The following RAB28 variants were observed in gnomAD, a reference collection of about 807,000 sequenced individuals.
RAB28 encodes ras-related protein Rab-28.
A neutral mutation model predicts 31.7 loss-of-function variants in RAB28; 24 were observed. That is an observed-to-expected ratio of 0.76 (90% CI 0.55 to 1.06). The LOEUF is 1.06. Ranked by LOEUF, RAB28 falls within the 50% of genes least tolerant of loss-of-function variation. The pLI is 0.00. For synonymous variants in RAB28, 100 were observed against 90.4 expected (o/e 1.11, Z -0.60); for missense variants, 254 against 258.5 (o/e 0.98, Z 0.12).
chr4:13,411,654 A>G (rs1007981981), intron 4 of RAB28, among the ~76,000 whole-genome samples: 4 of 152,160 alleles, frequency 2.6e-5, no homozygotes, highest in African/African-American at 9.6e-5. Context: ...TTTAACTAAG[A>G]GTAATTTACT....
intron 4 of RAB28, among the ~76,000 whole-genome samples, chr4:13,424,291 T>G (rs527750051): frequency 1.6e-4 from 24 of 152,198 alleles, no homozygotes; most frequent in Non-Finnish European, 2.9e-4. Flanking sequence ...ATCTGAAGGC[T>G]CTAAGGAAGA....
chr4:13,476,868 T>C (rs1206200241), intron 2 of RAB28, among the ~76,000 whole-genome samples: 1 of 151,274 alleles, frequency 6.6e-6, no homozygotes, highest in Non-Finnish European at 1.5e-5. Context: ...GACATGTAAC[T>C]AGGAGAAAAA....
chr4:13,383,168 C>T (rs1729207812), intron 4 of RAB28, among the ~76,000 whole-genome samples: 1 of 152,120 alleles, frequency 6.6e-6, no homozygotes, highest in South Asian at 2.1e-4. Flanking sequence ...TTTATATATC[C>T]AATTTATCAT....
chr4:13,454,869 C>A (rs973680979), intron 4 of RAB28, among the ~76,000 whole-genome samples: 2 of 152,168 alleles, frequency 1.3e-5, no homozygotes, highest in African/African-American at 4.8e-5. Flanking sequence ...TCTCAGCTGG[C>A]CTGGGTGTGT....
At chr4:13,406,031 T>C (rs1374551358) in intron 4 of RAB28, among the ~76,000 whole-genome samples, 1 of 152,178 alleles carries the variant, frequency 6.6e-6, no homozygotes, top group African/African-American at 2.4e-5. Flanking sequence ...TTTTAAGTTT[T>C]GGGACACATG....
At chr4:13,388,162 T>C (rs912631719) in intron 4 of RAB28, among the ~76,000 whole-genome samples, 1 of 152,038 alleles carries the variant, frequency 6.6e-6, no homozygotes, top group Non-Finnish European at 1.5e-5. Flanking sequence ...CTACATTTTA[T>C]TGGTTTAAAA....
At chr4:13,399,089 G>A (rs1043489786) in intron 4 of RAB28, among the ~76,000 whole-genome samples, 8 of 152,036 alleles carry the variant, frequency 5.3e-5, no homozygotes, top group Non-Finnish European at 7.4e-5. Context: ...CAGAGAAAGG[G>A]ATAAAAGACT....
intron 4 of RAB28, among the ~76,000 whole-genome samples, chr4:13,399,634 C>G (rs1577174968): frequency 2.0e-5 from 3 of 152,206 alleles, no homozygotes; most frequent in Admixed American, 2.0e-4. Flanking sequence ...ATCTAGAAAG[C>G]ATAAGAATCT....
chr4:13,370,989 T>C (rs1000276966), intron 6 of RAB28: 7 of 983,442 alleles, frequency 7.1e-6, no homozygotes, highest in Non-Finnish European at 8.5e-6. Context: ...TCGCTATCCA[T>C]GTGATTGCAA....
At chr4:13,412,602 G>GA (rs936072886) in intron 4 of RAB28, among the ~76,000 whole-genome samples, 3 of 151,898 alleles carry the variant, frequency 2.0e-5, no homozygotes, top group African/African-American at 7.3e-5. Flanking sequence ...GTTGCTGCGG[G>GA]AAAAAATTTA....
chr4:13,467,873 C>T (rs1360074241), intron 3 of RAB28, among the ~76,000 whole-genome samples: 1 of 151,648 alleles, frequency 6.6e-6, no homozygotes, highest in Non-Finnish European at 1.5e-5. Context: ...CTGTATATTG[C>T]CTACGGAAAA....
rs1030102235 is a variant in RAB28, at chr4:13,380,150, G to A, written c.495+1341C>T. 2.6e-5 allele frequency among the ~76,000 whole-genome samples: 4 copies of A among 152,226 alleles called. No individual in the cohort carries two copies. In the South Asian group the frequency reaches 6.2e-4, roughly 24 times the overall value. ...TTACATTTTTTAAAAAGGCATGGAT[G>A]GGTGAGTATGTGCCCATGTTCACAT... On this transcript the variant is annotated intron_variant, in intron 5 of 6. Coordinates refer to ENST00000330852, the MANE Select transcript of RAB28 (RefSeq NM_001017979.3).
At chr4:13,376,966 TA>T (rs1361788758) in intron 5 of RAB28, among the ~76,000 whole-genome samples, 1 of 151,958 alleles carries the variant, frequency 6.6e-6, no homozygotes, top group East Asian at 1.9e-4. Context: ...CTGAAGAAAA[TA>T]AAAATAATCT....
chr4:13,484,333 C>G lies in RAB28; in HGVS notation c.-183G>C, dbSNP rs1716772802. 1.8e-6 allele frequency: 1 copy of G among 568,852 alleles called. No homozygotes were observed. The highest frequency in any genetic ancestry group is 3.2e-6 in the Non-Finnish European group (1 of 311,764). The allele number at this position is 568,852 out of a possible 1,614,324, so 35.2% of individuals were successfully genotyped here. On this transcript the variant is annotated 5_prime_UTR_variant, in exon 1 of 7. Transcript: ENST00000330852. ...AAGCGCCATCTTGCCCACCTCCCCG[C>G]CCTCTGCGCGCGGCCCCGCCCCCTA...
chr4:13,471,557 A>C (rs1044067222), intron 3 of RAB28, among the ~76,000 whole-genome samples: 1 of 151,914 alleles, frequency 6.6e-6, no homozygotes, highest in African/African-American at 2.4e-5. Context: ...GCTGGAGTAA[A>C]GTGGCATGAT....
At chr4:13,452,728 A>G (rs1332638883) in intron 4 of RAB28, among the ~76,000 whole-genome samples, 1 of 152,006 alleles carries the variant, frequency 6.6e-6, no homozygotes, top group Non-Finnish European at 1.5e-5. Context: ...TGATGGAAAG[A>G]AGGTTTATTA....
intron 3 of RAB28, among the ~76,000 whole-genome samples, chr4:13,471,582 G>A (rs1716123899): frequency 6.6e-6 from 1 of 151,640 alleles, no homozygotes; most frequent in Non-Finnish European, 1.5e-5. Flanking sequence ...GCTCACTCCA[G>A]CCCCAAACTC....
chr4:13,367,940 A>G lies in RAB28; in HGVS notation c.*618T>C. 1 of 977,284 alleles carries G rather than the reference A, an allele frequency of 1.0e-6. No individual in the cohort carries two copies. The allele number at this position is 977,284 out of a possible 1,614,324, so 60.5% of individuals were successfully genotyped here. A position where few individuals can be genotyped will look rare whatever the true frequency, so the allele number is the denominator to read the frequency against. ...AACGATACAGTAATAAAAATACAATATCAAATATTACTTTGTGAGTTACAA... is the reference window on the plus strand; with the variant it reads ...AACGATACAGTAATAAAAATACAATGTCAAATATTACTTTGTGAGTTACAA... On this transcript the variant is annotated 3_prime_UTR_variant, in exon 7 of 7. Transcript: ENST00000330852.
chr4:13,412,020 CAAAAAA>C (rs1326578822), intron 4 of RAB28, among the ~76,000 whole-genome samples: 2 of 119,988 alleles, frequency 1.7e-5, no homozygotes, highest in African/African-American at 6.1e-5. Flanking sequence ...ATTCAAAAGT[CAAAAAA>C]AAAAAAAAGA....
Sources: allele counts gnomAD v4.1 joint callset (sites outside exome capture counted in the v4.1 genomes callset), GRCh38; gene constraint gnomAD v4.1.1; transcripts MANE v1.5; gene names NCBI Gene and HGNC (gene_info 2026-07-23, HGNC 2026-07-21).